Variants in SPAG16 observed in about 807,000 individuals in gnomAD.
The protein encoded by SPAG16 is sperm associated antigen 16, also known as sperm-associated antigen 16 protein.
In SPAG16, 86 loss-of-function variants were observed where a neutral mutation model predicts 80.4. The ratio of observed to expected loss-of-function variants is 1.07; its 90% confidence interval spans 0.90 to 1.28. The LOEUF (loss-of-function observed/expected upper bound fraction) is 1.28, where lower values mean the gene tolerates loss of function less well. SPAG16 is among the 50% of genes most tolerant of loss of function. The pLI, the probability that SPAG16 is intolerant of heterozygous loss-of-function variation, is 0.00. For missense variants in SPAG16, 870 were observed against 765.3 expected, an observed-to-expected ratio of 1.14 and a Z score of -1.61; for synonymous variants, 294 against 265.9, an observed-to-expected ratio of 1.11 and a Z score of -1.03.
intron 15 of SPAG16, among the ~76,000 whole-genome samples, chr2:214,341,134 C>G (rs1190012782): frequency 6.6e-6 from 1 of 152,052 alleles, no homozygotes; most frequent in African/African-American, 2.4e-5. Flanking sequence ...AAAGAAAGAA[C>G]CGTCCTAGGT....
At chr2:214,197,179 GAT>G (rs1432583738) in intron 15 of SPAG16, among the ~76,000 whole-genome samples, 2 of 151,946 alleles carry the variant, frequency 1.3e-5, no homozygotes, top group Non-Finnish European at 2.9e-5. Flanking sequence ...ATGTAGGTCA[GAT>G]ATTGACTTGC....
chr2:214,141,192 G>A (rs562802873), intron 14 of SPAG16, among the ~76,000 whole-genome samples: 2 of 152,088 alleles, frequency 1.3e-5, no homozygotes, highest in Admixed American at 6.5e-5. Context: ...TTTTTGCCTG[G>A]GCACGGTGGC....
chr2:213,832,332 C>T (rs575532722), intron 10 of SPAG16, among the ~76,000 whole-genome samples: 20 of 152,086 alleles, frequency 1.3e-4, no homozygotes, highest in South Asian at 4.2e-4. Context: ...CACGATACCC[C>T]GAAGTATGGC....
intron 14 of SPAG16, among the ~76,000 whole-genome samples, chr2:214,113,811 A>C (rs1200787676): frequency 2.0e-5 from 3 of 152,160 alleles, no homozygotes; most frequent in African/African-American, 7.2e-5. Flanking sequence ...CGACCTTCTG[A>C]AGCCTACTTC....
At position 213,849,947 on chromosome 2, in the gene SPAG16, A is replaced by G. The variant is rs907570303; in HGVS notation, c.1071-12538A>G. Among the ~76,000 whole-genome samples the G allele has an allele frequency of 5.3e-5, 8 of 152,326 alleles. No individual in the cohort carries two copies. The East Asian group carries it at 1.4e-3, about 26-fold the overall frequency. On this transcript the variant is annotated intron_variant, in intron 10 of 15. Transcript: ENST00000331683. The stretch of plus-strand genomic sequence containing the variant: ...TGTATCTTCTCAAACTTGTTAAATC[A>G]TAAAGAAGTGCGGTGATTTAGTAAC...
chr2:214,253,547 T>G (rs1187383250), intron 15 of SPAG16, among the ~76,000 whole-genome samples: 1 of 152,172 alleles, frequency 6.6e-6, no homozygotes, highest in Non-Finnish European at 1.5e-5. Context: ...CCAACACCAT[T>G]TATTAAATAG....
chr2:213,346,266 T>C (rs2064982111), intron 6 of SPAG16, among the ~76,000 whole-genome samples: 1 of 152,202 alleles, frequency 6.6e-6, no homozygotes. Flanking sequence ...GCCTATCAGC[T>C]TAAGGAGATT....
At position 213,636,429 on chromosome 2, in the gene SPAG16, G is replaced by A. The variant is rs550661271; in HGVS notation, c.1070+146339G>A. Among the ~76,000 whole-genome samples the A allele has an allele frequency of 1.5e-4, 23 of 152,094 alleles. 2 individuals carry two copies. In the South Asian group the frequency reaches 4.8e-3, roughly 32 times the overall value. ...TTTTGATTAGTCTTGTTTTGATCAT[G>A]TGTGTGCACTCATTTTTGGTTCCAT... is the stretch of plus-strand genomic sequence containing the variant. On this transcript the variant is annotated intron_variant, in intron 10 of 15. Transcript: ENST00000331683.
chr2:214,090,499 G>C (rs1044259793), intron 13 of SPAG16, among the ~76,000 whole-genome samples: 2 of 151,602 alleles, frequency 1.3e-5, no homozygotes, highest in Non-Finnish European at 2.9e-5. Context: ...AAGAAAGAAA[G>C]AGTAAAATAT....
chr2:214,255,340 C>T (rs1228850025), intron 15 of SPAG16, among the ~76,000 whole-genome samples: 2 of 151,854 alleles, frequency 1.3e-5, no homozygotes, highest in Non-Finnish European at 2.9e-5. Context: ...GTCACTCTGG[C>T]CCTGGGATTT....
intron 11 of SPAG16, among the ~76,000 whole-genome samples, chr2:213,901,491 T>C (rs1458089476): frequency 6.6e-6 from 1 of 152,120 alleles, no homozygotes; most frequent in Non-Finnish European, 1.5e-5. Flanking sequence ...CTTTTGTTAT[T>C]GTAGTGAAAA....
intron 15 of SPAG16, among the ~76,000 whole-genome samples, chr2:214,236,585 GA>G (rs1201650038): frequency 6.6e-6 from 1 of 151,650 alleles, no homozygotes; most frequent in Non-Finnish European, 1.5e-5. Flanking sequence ...CCAGGAGGCA[GA>G]GGTTATAGTG....
chr2:213,989,498 G>T (rs567113238), intron 12 of SPAG16, among the ~76,000 whole-genome samples: 1 of 152,074 alleles, frequency 6.6e-6, no homozygotes, highest in East Asian at 1.9e-4. Context: ...GCTCTAATTT[G>T]ATCAATCCAT....
chr2:213,775,553 T>C (rs1575104010), intron 10 of SPAG16, among the ~76,000 whole-genome samples: 3 of 152,236 alleles, frequency 2.0e-5, no homozygotes, highest in East Asian at 3.8e-4. Context: ...ATAGGCACTG[T>C]GCTGTATAGT....
At chr2:214,002,085 C>T (rs1022457707) in intron 12 of SPAG16, among the ~76,000 whole-genome samples, 1 of 152,150 alleles carries the variant, frequency 6.6e-6, no homozygotes, top group African/African-American at 2.4e-5. Context: ...GACTTATTCA[C>T]TACCAAGAGA....
chr2:213,741,630 A>T (rs184244623), intron 10 of SPAG16, among the ~76,000 whole-genome samples: 1 of 152,302 alleles, frequency 6.6e-6, no homozygotes, highest in African/African-American at 2.4e-5. Context: ...ATTCATAGCA[A>T]ACTAAAATTG....
chr2:213,287,526 T>C (rs2062099138), intron 1 of SPAG16, among the ~76,000 whole-genome samples: 1 of 152,214 alleles, frequency 6.6e-6, no homozygotes, highest in African/African-American at 2.4e-5. Flanking sequence ...CTTCAAGGTA[T>C]TGTTTTTGTT....
chr2:213,342,280 C>T (rs114126262), intron 6 of SPAG16, among the ~76,000 whole-genome samples: 1,934 of 145,040 alleles, frequency 0.013, 22 homozygotes, highest in South Asian at 0.036. Context: ...ATATTACATA[C>T]ATATGTATAT....
chr2:213,633,808 T>G (rs919028720), intron 10 of SPAG16, among the ~76,000 whole-genome samples: 1 of 152,158 alleles, frequency 6.6e-6, no homozygotes, highest in Non-Finnish European at 1.5e-5. Flanking sequence ...AGTTTTTGTC[T>G]TGAAATCTAT....
Sources: allele counts gnomAD v4.1 joint callset (sites outside exome capture counted in the v4.1 genomes callset), GRCh38; gene constraint gnomAD v4.1.1; transcripts MANE v1.5; gene names NCBI Gene and HGNC (gene_info 2026-07-23, HGNC 2026-07-21).